The following FAM184A variants were observed in gnomAD, a reference collection of about 807,000 sequenced individuals.
FAM184A encodes protein FAM184A.
Under a neutral mutation model 143.8 loss-of-function variants are expected in FAM184A, and 99 were observed. That is an observed-to-expected ratio of 0.69 (90% confidence interval 0.58 to 0.81). The LOEUF (loss-of-function observed/expected upper bound fraction) is 0.81. Among genes scored for constraint, FAM184A ranks in the 40% least tolerant of loss-of-function variants. The pLI, the probability that FAM184A is intolerant of heterozygous loss-of-function variation, is 0.00. For missense variants in FAM184A, 1,217 were observed against 1,310.5 expected (o/e 0.93, Z 1.10); for synonymous variants, 427 against 446.4 (o/e 0.96, Z 0.55).
chr6:118,999,266 T>C (rs1272848696), intron 9 of FAM184A, among the ~76,000 whole-genome samples: 2 of 152,196 alleles, frequency 1.3e-5, no homozygotes, highest in African/African-American at 2.4e-5. Flanking sequence ...GATATTTAAA[T>C]TGAAATGTCT....
intron 1 of FAM184A, among the ~76,000 whole-genome samples, chr6:119,031,242 T>C (rs1257773920): frequency 6.6e-6 from 1 of 152,176 alleles, no homozygotes; most frequent in African/African-American, 2.4e-5. Context: ...CCTCAAAAAT[T>C]CTTATGTTGA....
intron 14 of FAM184A, 55 bp downstream of exon 14, chr6:118,974,373 C>T: frequency 2.7e-6 from 4 of 1,502,388 alleles, no homozygotes; most frequent in Non-Finnish European, 3.6e-6. Context: ...AGGTTAAACA[C>T]AGTGCTCCTA....
At chr6:119,107,792 A>AAAAAG (rs763545394) in intron 1 of FAM184A, among the ~76,000 whole-genome samples, 31,954 of 135,184 alleles carry the variant, frequency 0.24, 4,874 homozygotes, top group East Asian at 0.52. Flanking sequence ...AAAAAAAAAA[A>AAAAAG]AAAGAAAGAA....
At chr6:119,124,021 C>G (rs1789293879) in intron 1 of FAM184A, among the ~76,000 whole-genome samples, 1 of 152,090 alleles carries the variant, frequency 6.6e-6, no homozygotes, top group Non-Finnish European at 1.5e-5. Flanking sequence ...GTGACTATTG[C>G]TATTTATGGA....
At chr6:119,118,004 A>G (rs919921577) in intron 1 of FAM184A, among the ~76,000 whole-genome samples, 1 of 152,168 alleles carries the variant, frequency 6.6e-6, no homozygotes, top group South Asian at 2.1e-4. Flanking sequence ...TCAAGAAGAG[A>G]TGAAGTGACA....
chr6:119,102,903 G>A (rs915785454), intron 1 of FAM184A, among the ~76,000 whole-genome samples: 9 of 150,864 alleles, frequency 6.0e-5, no homozygotes, highest in Non-Finnish European at 1.3e-4. Flanking sequence ...ATGCTACAAA[G>A]AGCATATAGT....
chr6:119,056,727 GCCCAA>G lies in FAM184A; in HGVS notation c.159+21409_159+21413del, dbSNP rs536952240. Among the ~76,000 whole-genome samples, 538 of 152,266 alleles carry G rather than the reference GCCCAA, an allele frequency of 3.5e-3. 5 individuals are homozygous for G. The highest frequency in any genetic ancestry group is 0.013 in the African/African-American group (522 of 41,548). ...GAAGCCAAGAGACAAGAGAAGAAAA[GCCCAA>G]CCATCACAAACATTCTGTAATGGAA... On this transcript the variant is annotated intron_variant, in intron 1 of 17. Transcript: ENST00000338891.
chr6:119,084,253 G>T (rs769266467), intron 1 of FAM184A, among the ~76,000 whole-genome samples: 11 of 152,192 alleles, frequency 7.2e-5, no homozygotes, highest in Admixed American at 1.3e-4. Context: ...AATTCAAGAT[G>T]AGATTTGAGT....
chr6:118,975,598 A>G (rs537999320), intron 12 of FAM184A, among the ~76,000 whole-genome samples: 1 of 152,324 alleles, frequency 6.6e-6, no homozygotes, highest in South Asian at 2.1e-4. Context: ...TATAATCTAA[A>G]GAGAAAGTGC....
At chr6:119,013,881 T>A (rs1351935992) in intron 5 of FAM184A, among the ~76,000 whole-genome samples, 1 of 152,244 alleles carries the variant, frequency 6.6e-6, no homozygotes, top group Non-Finnish European at 1.5e-5. Flanking sequence ...TTATTAAACC[T>A]ATTTTACCAT....
rs761230864 is a variant in FAM184A at position 119,003,002 on chromosome 6, T to G, written c.1985A>C (p.Glu662Ala). Residue 662 changes from glutamate to alanine, a missense_variant, in exon 9 of 18, where the codon GAG becomes GCG. Coordinates refer to ENST00000338891, the MANE Select transcript of FAM184A (RefSeq NM_024581.6). ...TTGAGACATTGCTGACTTCTTATCC[T>G]CTTCATGTTGAAGCCTTAACTCTTC... ...LREELRLQHEEDKKSAMSQLL... is the reference protein window; with the variant it reads ...LREELRLQHEADKKSAMSQLL... 6.2e-7 allele frequency: 1 copy of G among 1,612,624 alleles called. No homozygotes were observed. Among genetic ancestry groups the G allele is most frequent in the Non-Finnish European group, 8.5e-7 (1 of 1,179,482 alleles).
chr6:119,135,149 G>A (rs1789629723), intron 1 of FAM184A, among the ~76,000 whole-genome samples: 1 of 152,156 alleles, frequency 6.6e-6, no homozygotes, highest in Non-Finnish European at 1.5e-5. Flanking sequence ...ATACTACTGA[G>A]TAATGCAAAA....
At chr6:118,966,501 A>C (rs1783505199) in intron 15 of FAM184A, among the ~76,000 whole-genome samples, 1 of 152,172 alleles carries the variant, frequency 6.6e-6, no homozygotes, top group Non-Finnish European at 1.5e-5. Flanking sequence ...TTTGCTAGCC[A>C]ATCCTAATAC....
rs572168030 is a variant in FAM184A at position 118,996,316 on chromosome 6, T to C, written c.2088+6583A>G. Among the ~76,000 whole-genome samples, 4 of 152,308 alleles carry C rather than the reference T, an allele frequency of 2.6e-5. 1 individual carries two copies. The highest frequency in any genetic ancestry group is 2.1e-4 in the South Asian group (1 of 4,826). Reference sequence around the variant, plus strand: ...ATTGAAGAGAAATTAAAAACTTTCATATTTAAAGGAAAATATCACCAATTA... The same window carrying C: ...ATTGAAGAGAAATTAAAAACTTTCACATTTAAAGGAAAATATCACCAATTA... On this transcript the variant is annotated intron_variant, in intron 9 of 17. Coordinates refer to ENST00000338891, the MANE Select transcript of FAM184A (RefSeq NM_024581.6).
At chr6:119,039,964 C>T (rs79861898) in intron 1 of FAM184A, among the ~76,000 whole-genome samples, 6 of 152,172 alleles carry the variant, frequency 3.9e-5, no homozygotes, top group African/African-American at 1.2e-4. Context: ...AAACACACTA[C>T]GCGTGCTCTG....
At chr6:119,016,518 C>A (rs1246195551) in intron 5 of FAM184A, among the ~76,000 whole-genome samples, 1 of 151,962 alleles carries the variant, frequency 6.6e-6, no homozygotes, top group Non-Finnish European at 1.5e-5. Context: ...CAGCTTCACT[C>A]CTGAGCCAGT....
chr6:119,122,829 G>A (rs1789256281), intron 1 of FAM184A, among the ~76,000 whole-genome samples: 1 of 149,122 alleles, frequency 6.7e-6, no homozygotes, highest in Non-Finnish European at 1.5e-5. Flanking sequence ...GGAGGCTGAG[G>A]TGGGAGGACT....
chr6:119,091,293 G>GGCT (rs1230676555), intron 1 of FAM184A, among the ~76,000 whole-genome samples: 1 of 152,220 alleles, frequency 6.6e-6, no homozygotes, highest in Non-Finnish European at 1.5e-5. Flanking sequence ...GTATGACGGT[G>GGCT]AGAGAAGCCA....
At chr6:119,115,256 A>G (rs1455685287) in intron 1 of FAM184A, among the ~76,000 whole-genome samples, 1 of 152,214 alleles carries the variant, frequency 6.6e-6, no homozygotes, top group African/African-American at 2.4e-5. Flanking sequence ...TAGTTCATTC[A>G]ATAACCATTT....
Sources: gnomAD v4.1 joint callset for allele counts (sites outside exome capture counted in the v4.1 genomes callset) on GRCh38, gnomAD v4.1.1 for gene constraint, MANE v1.5 for transcripts, NCBI Gene and HGNC (gene_info 2026-07-23, HGNC 2026-07-21) for gene names.